The following NEMP1 variants were observed in gnomAD, a reference collection of about 807,000 sequenced individuals.
NEMP1 encodes the protein nuclear envelope integral membrane protein 1, also known as transmembrane protein 194.
In NEMP1, 29 loss-of-function variants were observed where a neutral mutation model predicts 53.7. That is an observed-to-expected ratio of 0.54 (90% CI 0.40 to 0.74). The LOEUF is 0.74. Among genes scored for constraint, NEMP1 ranks in the 30% least tolerant of loss-of-function variants. The probability of loss-of-function intolerance (pLI) is 0.00; values close to 1 mark genes in which losing one functional copy is unlikely to be tolerated. For missense variants in NEMP1, 477 were observed against 528.6 expected (o/e 0.90, Z 0.96); for synonymous variants, 193 against 192.9 (o/e 1.00, Z 0.00).
intron 3 of NEMP1, among the ~76,000 whole-genome samples, chr12:57,069,725 C>A (rs1235776432): frequency 6.6e-6 from 1 of 151,696 alleles, no homozygotes; most frequent in African/African-American, 2.4e-5. Flanking sequence ...CTCTAACTGG[C>A]TGCTTTTCTT....
upstream of NEMP1, among the ~76,000 whole-genome samples, chr12:57,082,424 A>G (rs2032873823): frequency 6.6e-6 from 1 of 152,208 alleles, no homozygotes; most frequent in Admixed American, 6.5e-5. Context: ...GTTTCTAAAA[A>G]TAAAGTTGGC....
At chr12:57,079,949 A>G (rs889813047), upstream of NEMP1, among the ~76,000 whole-genome samples, 7 of 151,160 alleles carry the variant, frequency 4.6e-5, no homozygotes, top group East Asian at 1.9e-4. Flanking sequence ...TGTTTGTTTC[A>G]TTGTTGTTGT....
chr12:57,060,154 G>T lies in NEMP1; in HGVS notation c.1155-95C>A, dbSNP rs902108633. Reference sequence around the variant, plus strand: ...ACAAATTAAAGCCCTCGATATGCTCGCAACTCAAATTATATTAAGTCTAGC... The same window carrying T: ...ACAAATTAAAGCCCTCGATATGCTCTCAACTCAAATTATATTAAGTCTAGC... On this transcript the variant is annotated intron_variant, in intron 8 of 8. Coordinates refer to ENST00000300128, the MANE Select transcript of NEMP1 (RefSeq NM_001130963.2). The T allele has an allele frequency of 1.5e-5, 17 of 1,137,636 alleles. No homozygotes were observed. In the Admixed American group the frequency reaches 3.6e-4, roughly 24 times the overall value. 70.5% of individuals were successfully genotyped at this position (1,137,636 alleles called of 1,614,324 possible). A position where few individuals can be genotyped will look rare whatever the true frequency, so the allele number is the denominator to read the frequency against.
At chr12:57,086,311 G>A (rs147395338) in intron 1 of NEMP1, among the ~76,000 whole-genome samples, 6 of 152,312 alleles carry the variant, frequency 3.9e-5, no homozygotes, top group African/African-American at 1.4e-4. Flanking sequence ...CCTTCACGGA[G>A]GAGACCAGCA....
At chr12:57,082,839 C>G (rs1430972343), upstream of NEMP1, among the ~76,000 whole-genome samples, 1 of 151,810 alleles carries the variant, frequency 6.6e-6, no homozygotes, top group African/African-American at 2.4e-5. Flanking sequence ...TAGTGAAACC[C>G]CGTCTCTACA....
intron 2 of NEMP1, among the ~76,000 whole-genome samples, chr12:57,072,046 C>T (rs2032374259): frequency 6.6e-6 from 1 of 152,136 alleles, no homozygotes; most frequent in Non-Finnish European, 1.5e-5. Context: ...TATGAAATAT[C>T]TCATATAGAA....
rs140841447 is a variant in NEMP1, at chr12:57,056,672, GTTT to G, written c.*3204_*3206del. On this transcript the variant is annotated 3_prime_UTR_variant, in exon 9 of 9. Coordinates refer to ENST00000300128, the MANE Select transcript of NEMP1 (RefSeq NM_001130963.2). ...GTAGGCATCCATCTGAGCCCATCTT[GTTT>G]TTTTTTTCTAAAACAACAAAAAGAC... 6.7e-6 allele frequency: 1 copy of G among 148,360 alleles called. No homozygotes were observed. Among genetic ancestry groups the G allele is most frequent in the South Asian group, 2.1e-4 (1 of 4,682 alleles). The allele number at this position is 148,360 out of a possible 1,614,324, so 9.2% of individuals were successfully genotyped here. A position where few individuals can be genotyped will look rare whatever the true frequency, so the allele number is the denominator to read the frequency against.
Position 57,063,255 on chromosome 12 carries a change from A to G in NEMP1, c.844T>C (p.Trp282Arg). The G allele has an allele frequency of 1.2e-6, 2 of 1,614,234 alleles. No individual in the cohort carries two copies. Among genetic ancestry groups the G allele is most frequent in the Non-Finnish European group, 1.7e-6 (2 of 1,180,040 alleles). ...CACAGGCCCATCAGCTGCAAGGTCC[A>G]GGTCAGCAGGTTGATACTTCGTTCA... ...ENERSINLLT[W>R]TLQLMGLCFM... Residue 282 changes from tryptophan (W) to arginine (R), a missense_variant, in exon 7 of 9, where the codon TGG (tryptophan) becomes CGG (arginine). Coordinates refer to ENST00000300128, the MANE Select transcript of NEMP1 (RefSeq NM_001130963.2).
At chr12:57,073,038 T>A in intron 1 of NEMP1, 126 bp from the exon 2 acceptor site, 8 of 756,746 alleles carry the variant, frequency 1.1e-5, no homozygotes, top group African/African-American at 1.8e-5. Context: ...GACTGAGAAA[T>A]AAGAAAAAAA....
chr12:57,072,976 G>A, intron 1 of NEMP1, 64 bp from the exon 2 acceptor site: 2 of 1,438,910 alleles, frequency 1.4e-6, no homozygotes, highest in East Asian at 2.4e-5. Context: ...CTCATTTCAT[G>A]AAAAAGATTA....
At chr12:57,072,180 A>G (rs1000287517) in intron 2 of NEMP1, among the ~76,000 whole-genome samples, 2 of 152,162 alleles carry the variant, frequency 1.3e-5, no homozygotes, top group African/African-American at 4.8e-5. Flanking sequence ...GCTCATGCCT[A>G]TAATCCCAAC....
At chr12:57,083,887 C>G (rs1377755694) in intron 1 of NEMP1, among the ~76,000 whole-genome samples, 1 of 152,200 alleles carries the variant, frequency 6.6e-6, no homozygotes, top group Non-Finnish European at 1.5e-5. Flanking sequence ...GATTCTCATG[C>G]CTCCACCTCC....
chr12:57,083,324 C>A (rs1393401133), upstream of NEMP1, among the ~76,000 whole-genome samples: 1 of 152,192 alleles, frequency 6.6e-6, no homozygotes, highest in African/African-American at 2.4e-5. Flanking sequence ...TCAAGATAGT[C>A]ATTCAAGAAG....
At chr12:57,064,539 C>T in intron 5 of NEMP1, 107 bp downstream of exon 5, 1 of 752,834 alleles carries the variant, frequency 1.3e-6, no homozygotes, top group Non-Finnish European at 2.2e-6. Flanking sequence ...AGGATATTGA[C>T]TCATCAGCCA....
intron 7 of NEMP1, among the ~76,000 whole-genome samples, chr12:57,061,708 AC>A (rs2031816977): frequency 1.4e-5 from 2 of 145,384 alleles, no homozygotes; most frequent in African/African-American, 2.5e-5. Context: ...AAAAAAAAAA[AC>A]AAAAAAAAAC....
At chr12:57,070,181 C>T (rs2032280513) in intron 3 of NEMP1, among the ~76,000 whole-genome samples, 1 of 152,148 alleles carries the variant, frequency 6.6e-6, no homozygotes, top group Non-Finnish European at 1.5e-5. Flanking sequence ...AAGTTTTAAA[C>T]TGCAGTGGTC....
intron 2 of NEMP1, 129 bp downstream of exon 2, chr12:57,072,659 T>C: frequency 9.8e-7 from 1 of 1,023,662 alleles, no homozygotes. Flanking sequence ...CAGGATAATC[T>C]CAACCCTAAC....
upstream of NEMP1, among the ~76,000 whole-genome samples, chr12:57,081,921 CA>C (rs112410467): frequency 7.4e-6 from 1 of 135,092 alleles, no homozygotes. Flanking sequence ...AATAAGAAAA[CA>C]AAAAAAAACA....
intron 1 of NEMP1, among the ~76,000 whole-genome samples, chr12:57,084,872 ATTTT>A (rs2032945700): frequency 6.6e-6 from 1 of 152,172 alleles, no homozygotes; most frequent in African/African-American, 2.4e-5. Context: ...ATGGTAGTTT[ATTTT>A]GTTTTTTGAA....
Sources: allele counts gnomAD v4.1 joint callset (sites outside exome capture counted in the v4.1 genomes callset), GRCh38; gene constraint gnomAD v4.1.1; transcripts MANE v1.5; gene names NCBI Gene and HGNC (gene_info 2026-07-23, HGNC 2026-07-21).